The following PCDH15 variants were observed in gnomAD, a reference collection of about 807,000 sequenced individuals.
The protein encoded by PCDH15 is protocadherin related 15, also known as protocadherin-15.
In PCDH15, 129 loss-of-function variants were observed where a neutral mutation model predicts 178.5. The observed-to-expected ratio is 0.72, with a 90% confidence interval of 0.63 to 0.84. The LOEUF (loss-of-function observed/expected upper bound fraction) is 0.84. Among genes scored for constraint, PCDH15 ranks in the 40% least tolerant of loss-of-function variants. PCDH15 has a pLI of 0.00. For missense variants in PCDH15, 2,230 were observed against 2,099.9 expected, an observed-to-expected ratio of 1.06 and a Z score of -1.21; for synonymous variants, 800 against 732.0, an observed-to-expected ratio of 1.09 and a Z score of -1.50.
chr10:55,085,562 A>G (rs1842148318), intron 2 of PCDH15, among the ~76,000 whole-genome samples: 1 of 151,940 alleles, frequency 6.6e-6, no homozygotes, highest in Non-Finnish European at 1.5e-5. Context: ...TGATGTGATT[A>G]TTTTGCATTA....
chr10:55,461,565 G>C, intron 2 of PCDH15, among the ~76,000 whole-genome samples: 1 of 151,896 alleles, frequency 6.6e-6, no homozygotes, highest in East Asian at 1.9e-4. Context: ...GCTGTCTTCT[G>C]GGGCTCATTT....
At position 55,158,916 on chromosome 10, in the gene PCDH15, G is replaced by T. The variant is rs565708518; in HGVS notation, c.-80+7660C>A. Among the ~76,000 whole-genome samples, 15 of 148,332 alleles carry T rather than the reference G, an allele frequency of 1.0e-4. No homozygotes were observed. In the East Asian group the frequency reaches 2.2e-3, roughly 22 times the overall value. On this transcript the variant is annotated intron_variant, in intron 2 of 5. Transcript: ENST00000458638. ...AGAGAGAGAAAAAACAAGAGCTCAA[G>T]ATATAGACAGAGAAGTGCTAAAGTG...
chr10:55,624,960 C>T (rs781317073), intron 2 of PCDH15, among the ~76,000 whole-genome samples: 3 of 151,910 alleles, frequency 2.0e-5, no homozygotes, highest in African/African-American at 4.8e-5. Context: ...TGTGTAATTT[C>T]GTGAAAGTGA....
intron 3 of PCDH15, among the ~76,000 whole-genome samples, chr10:54,440,656 A>T (rs1009130407): frequency 6.6e-6 from 1 of 151,928 alleles, no homozygotes; most frequent in Non-Finnish European, 1.5e-5. Flanking sequence ...TTGTCCATTA[A>T]AAAACAATTT....
At chr10:54,438,894 T>G (rs746418586) in intron 3 of PCDH15, among the ~76,000 whole-genome samples, 1 of 152,122 alleles carries the variant, frequency 6.6e-6, no homozygotes, top group Non-Finnish European at 1.5e-5. Flanking sequence ...ACTGTCTATA[T>G]GATAATTCTT....
chr10:54,900,564 A>C (rs940493530), intron 2 of PCDH15, among the ~76,000 whole-genome samples: 1 of 152,226 alleles, frequency 6.6e-6, no homozygotes, highest in Non-Finnish European at 1.5e-5. Context: ...TAAAAATTGC[A>C]TTCTACAGAT....
intron 3 of PCDH15, among the ~76,000 whole-genome samples, chr10:54,869,722 TATA>T (rs1954001763): frequency 6.6e-6 from 1 of 152,200 alleles, no homozygotes; most frequent in African/African-American, 2.4e-5. Flanking sequence ...AAGAGCTCTA[TATA>T]TGTATTCAAA....
intron 2 of PCDH15, among the ~76,000 whole-genome samples, chr10:55,499,199 A>G (rs1440985781): frequency 2.0e-5 from 3 of 151,822 alleles, no homozygotes; most frequent in Non-Finnish European, 2.9e-5. Flanking sequence ...CTCCTGACCT[A>G]CACAAATGAA....
chr10:54,854,119 A>C (rs946830655), intron 3 of PCDH15, among the ~76,000 whole-genome samples: 1 of 152,154 alleles, frequency 6.6e-6, no homozygotes, highest in African/African-American at 2.4e-5. Context: ...CGGGACGGGC[A>C]GCTCCTGATG....
chr10:54,913,397 G>A (rs1954850392), intron 2 of PCDH15, among the ~76,000 whole-genome samples: 1 of 152,182 alleles, frequency 6.6e-6, no homozygotes, highest in African/African-American at 2.4e-5. Context: ...TGTGTGCAGA[G>A]GGCAAGACTT....
At chr10:54,338,705 TTC>T (rs947085852) in intron 6 of PCDH15, among the ~76,000 whole-genome samples, 1 of 152,132 alleles carries the variant, frequency 6.6e-6, no homozygotes, top group African/African-American at 2.4e-5. Context: ...CTTAAGTGTC[TTC>T]ATTTTTTTTT....
intron 2 of PCDH15, among the ~76,000 whole-genome samples, chr10:55,509,671 C>T (rs990257921): frequency 2.0e-5 from 3 of 151,722 alleles, no homozygotes; most frequent in African/African-American, 7.3e-5. Context: ...TATATATTAC[C>T]TTTTGTTTTT....
chr10:54,918,768 T>G (rs1837410238), intron 2 of PCDH15, among the ~76,000 whole-genome samples: 1 of 152,188 alleles, frequency 6.6e-6, no homozygotes, highest in Non-Finnish European at 1.5e-5. Context: ...ATTGTTCTCC[T>G]TAGCAGTCAC....
chr10:55,152,858 G>C (rs35245017), intron 2 of PCDH15, among the ~76,000 whole-genome samples: 2 of 151,908 alleles, frequency 1.3e-5, no homozygotes, highest in African/African-American at 4.8e-5. Flanking sequence ...TAGCACTGTT[G>C]TGATTATGTG....
chr10:54,069,846 C>A (rs2094206081), intron 17 of PCDH15, among the ~76,000 whole-genome samples: 1 of 152,076 alleles, frequency 6.6e-6, no homozygotes, highest in Admixed American at 6.6e-5. Context: ...GAAAACAGAT[C>A]ACTTTAATTA....
At chr10:53,876,949 T>A (rs2080292038) in intron 26 of PCDH15, among the ~76,000 whole-genome samples, 1 of 152,082 alleles carries the variant, frequency 6.6e-6, no homozygotes, top group Admixed American at 6.6e-5. Flanking sequence ...TTAGAATTTA[T>A]CAAAATTTAC....
At chr10:55,264,381 TCA>T (rs1164396601) in intron 1 of PCDH15, among the ~76,000 whole-genome samples, 1 of 152,010 alleles carries the variant, frequency 6.6e-6, no homozygotes, top group African/African-American at 2.4e-5. Flanking sequence ...CCCAGGGAAC[TCA>T]CAGGTTGTTG....
chr10:54,371,064 A>C (rs550522126), intron 4 of PCDH15, among the ~76,000 whole-genome samples: 39 of 152,032 alleles, frequency 2.6e-4, no homozygotes, highest in African/African-American at 9.4e-4. Flanking sequence ...ATGTGTATAA[A>C]ATCTGTGAAT....
At chr10:55,415,252 G>A (rs1838450599) in intron 2 of PCDH15, among the ~76,000 whole-genome samples, 1 of 151,558 alleles carries the variant, frequency 6.6e-6, no homozygotes, top group Non-Finnish European at 1.5e-5. Flanking sequence ...TTCCAGAGAT[G>A]AATCTCTTCT....
Sources: allele counts gnomAD v4.1 joint callset (sites outside exome capture counted in the v4.1 genomes callset), GRCh38; gene constraint gnomAD v4.1.1; transcripts MANE v1.5; gene names NCBI Gene and HGNC (gene_info 2026-07-23, HGNC 2026-07-21).